ANO2: variants seen among roughly 807,000 people sequenced by gnomAD.
ANO2 encodes the protein anoctamin-2.
In ANO2, 101 loss-of-function variants were observed where a neutral mutation model predicts 124.2. The ratio of observed to expected loss-of-function variants is 0.81; its 90% CI spans 0.69 to 0.96. ANO2 has a LOEUF of 0.96. Among genes scored for constraint, ANO2 ranks in the 40% least tolerant of loss-of-function variants. ANO2 has a pLI of 0.00. For missense variants in ANO2, 1,293 were observed against 1,274.5 expected (o/e 1.01, Z -0.22); for synonymous variants, 486 against 482.5 (o/e 1.01, Z -0.09).
In ANO2 at chr12:5,916,734, AAC is replaced by A. The variant is rs1337779878; in HGVS notation, c.534+4304_534+4305del. On this transcript the variant is annotated intron_variant, in intron 3 of 24. Transcript: ENST00000682330. Reference sequence around the variant, plus strand: ...GTCTTTTTTTTAATTTAAAAAAAAAAACAAAACACTGTATCTTTTCCAGAACG... The same window carrying A: ...GTCTTTTTTTTAATTTAAAAAAAAAAAAAACACTGTATCTTTTCCAGAACG... Among the ~76,000 whole-genome samples, 381 of 85,742 alleles carry A rather than the reference AAC, an allele frequency of 4.4e-3. 2 individuals are homozygous for A. The highest frequency in any genetic ancestry group is 0.014 in the East Asian group (11 of 760). The allele number at this position is 85,742 out of a possible 152,430, so 56.3% of individuals were successfully genotyped here.
At chr12:5,726,834 C>A (rs1310757570) in intron 14 of ANO2, among the ~76,000 whole-genome samples, 2 of 152,176 alleles carry the variant, frequency 1.3e-5, no homozygotes, top group Non-Finnish European at 1.5e-5. Context: ...TGACCAACAT[C>A]ATCTCTGCAC....
chr12:5,854,933 C>CA (rs1256358905), intron 3 of ANO2, among the ~76,000 whole-genome samples: 1 of 59,340 alleles, frequency 1.7e-5, no homozygotes, highest in Non-Finnish European at 3.4e-5. Flanking sequence ...AATAAACATT[C>CA]ACTTTTTTTT....
At chr12:5,616,658 C>A (rs1034099779) in intron 16 of ANO2, among the ~76,000 whole-genome samples, 1 of 152,174 alleles carries the variant, frequency 6.6e-6, no homozygotes, top group Non-Finnish European at 1.5e-5. Flanking sequence ...AGTGTATGGG[C>A]CCCCTAACTT....
At chr12:5,745,595 T>A (rs937661365) in intron 11 of ANO2, among the ~76,000 whole-genome samples, 6 of 152,170 alleles carry the variant, frequency 3.9e-5, no homozygotes, top group Non-Finnish European at 5.9e-5. Flanking sequence ...ATTAAGAAGT[T>A]GAAGGGTGGC....
rs142791569 is a variant in ANO2 at position 5,900,829 on chromosome 12, A to AAG, written c.534+20209_534+20210dup. On this transcript the variant is annotated intron_variant, in intron 3 of 24. Coordinates refer to ENST00000682330, the MANE Select transcript of ANO2 (RefSeq NM_001364791.2). The surrounding 1 kb of genome is among the most constrained non-coding windows in gnomAD (Gnocchi z 4.2). ...TGGCTGTTTGGAAAGAGTCAAGGCC[A>AAG]AGAGGGCAGGAAGGCGTCTCCTTGT... Among the ~76,000 whole-genome samples, 3,543 of 152,290 alleles carry AAG rather than the reference A, an allele frequency of 0.023. 121 individuals carry two copies. The highest frequency in any genetic ancestry group is 0.08 in the African/African-American group (3,341 of 41,538).
At chr12:5,578,203 G>A (rs76378443) in intron 21 of ANO2, among the ~76,000 whole-genome samples, 163 bp downstream of exon 21, 59 of 152,250 alleles carry the variant, frequency 3.9e-4, no homozygotes, top group African/African-American at 1.4e-3. Flanking sequence ...TGGATAAAGC[G>A]GTCTCAGAAG....
chr12:5,851,417 G>A lies in ANO2; in HGVS notation c.633+2626C>T, dbSNP rs542825338. Among the ~76,000 whole-genome samples, 40 of 152,276 alleles carry A rather than the reference G, an allele frequency of 2.6e-4. No individual in the cohort carries two copies. In the South Asian group the frequency reaches 2.9e-3, roughly 11 times the overall value. ...ATGTAGAGGTGTCTGGCTGGGTGTG[G>A]TGGCTCACGCTTGTAATCCCAACAC... is the stretch of plus-strand genomic sequence containing the variant. On this transcript the variant is annotated intron_variant, in intron 4 of 24. Transcript: ENST00000682330.
rs187438557 is a variant in ANO2, at chr12:5,562,823, G to T, written c.*476C>A. On this transcript the variant is annotated 3_prime_UTR_variant, in exon 25 of 25. Transcript: ENST00000682330. The stretch of plus-strand genomic sequence containing the variant: ...TCCAGCGGCTGCACCATTCAGCCTT[G>T]TAACTTAATTTGCATCTGCTGAGAC... 1 of 164,898 alleles carries T rather than the reference G, an allele frequency of 6.1e-6. No homozygotes were observed. 10.2% of individuals were successfully genotyped at this position (164,898 alleles called of 1,614,324 possible).
intron 23 of ANO2, among the ~76,000 whole-genome samples, chr12:5,568,060 A>C (rs2136823781): frequency 6.6e-6 from 1 of 151,208 alleles, no homozygotes; most frequent in Middle Eastern, 3.5e-3. Context: ...CACAAAACAT[A>C]CTTTGTTGTG....
intron 8 of ANO2, among the ~76,000 whole-genome samples, chr12:5,806,599 A>G (rs1465171076): frequency 6.6e-6 from 1 of 152,270 alleles, no homozygotes; most frequent in Non-Finnish European, 1.5e-5. Context: ...AGTCTGATGA[A>G]TAGTGAAGCC....
At chr12:5,863,070 AC>A (rs1794145636) in intron 3 of ANO2, among the ~76,000 whole-genome samples, 2 of 152,000 alleles carry the variant, frequency 1.3e-5, no homozygotes, top group African/African-American at 2.4e-5. Flanking sequence ...TTCACCTTCC[AC>A]CGTGATTGGG....
intron 19 of ANO2, 63 bp from the exon 20 acceptor site, chr12:5,599,692 G>A: frequency 6.5e-7 from 1 of 1,545,098 alleles, no homozygotes; most frequent in African/African-American, 1.4e-5. Context: ...TTTGCAGACA[G>A]AAAAAAGAAA....
intron 10 of ANO2, among the ~76,000 whole-genome samples, chr12:5,753,100 T>C (rs1951486163): frequency 6.6e-6 from 1 of 152,194 alleles, no homozygotes; most frequent in South Asian, 2.1e-4. Context: ...AGGACATGCC[T>C]GGAAGAAAAA....
chr12:5,633,878 T>C (rs1018822065), intron 16 of ANO2, among the ~76,000 whole-genome samples: 3 of 152,098 alleles, frequency 2.0e-5, no homozygotes, highest in Non-Finnish European at 2.9e-5. Context: ...CTTGGTTTCC[T>C]TTGCCAGGAA....
At chr12:5,607,982 C>T (rs1944303410) in intron 19 of ANO2, among the ~76,000 whole-genome samples, 1 of 152,090 alleles carries the variant, frequency 6.6e-6, no homozygotes, top group Non-Finnish European at 1.5e-5. Flanking sequence ...TCACACCCCA[C>T]TCCCCCGGTC....
intron 3 of ANO2, among the ~76,000 whole-genome samples, chr12:5,911,577 C>G (rs1164878005): frequency 3.3e-5 from 5 of 152,144 alleles, no homozygotes; most frequent in African/African-American, 9.7e-5. Flanking sequence ...ATTTAACAAC[C>G]AGCATAACAC....
chr12:5,634,984 G>A (rs1945928069), intron 16 of ANO2, among the ~76,000 whole-genome samples, 168 bp downstream of exon 16: 1 of 152,162 alleles, frequency 6.6e-6, no homozygotes, highest in South Asian at 2.1e-4. Flanking sequence ...AAAGCCCTTT[G>A]ACAGCCCTAC....
intron 1 of ANO2, among the ~76,000 whole-genome samples, chr12:5,943,553 G>A (rs1012795756): frequency 6.6e-6 from 1 of 152,024 alleles, no homozygotes; most frequent in Non-Finnish European, 1.5e-5. Context: ...TACATACTGG[G>A]TACAATGTAC....
intron 13 of ANO2, among the ~76,000 whole-genome samples, chr12:5,737,738 T>C (rs1171644702): frequency 1.3e-5 from 2 of 152,122 alleles, no homozygotes; most frequent in Non-Finnish European, 2.9e-5. Flanking sequence ...GGACAAATAA[T>C]ACAAACATTT....
Sources: allele counts gnomAD v4.1 joint callset (sites outside exome capture counted in the v4.1 genomes callset), GRCh38; gene constraint gnomAD v4.1.1; non-coding constraint Gnocchi (gnomAD v3.1); transcripts MANE v1.5; gene names NCBI Gene and HGNC (gene_info 2026-07-23, HGNC 2026-07-21).